Variants in UBE2QL1 observed in about 807,000 individuals in gnomAD.
UBE2QL1 encodes ubiquitin-conjugating enzyme E2Q-like protein 1.
A neutral mutation model predicts 12.6 loss-of-function variants in UBE2QL1; 5 were observed. The ratio of observed to expected loss-of-function variants is 0.40; its 90% CI spans 0.21 to 0.83. The LOEUF is 0.83. Ranked by LOEUF, UBE2QL1 falls within the 40% of genes least tolerant of loss-of-function variation. The pLI is 0.37. For missense variants in UBE2QL1, 99 were observed against 222.6 expected, an observed-to-expected ratio of 0.44 and a Z score of 3.53; for synonymous variants, 96 against 94.5, an observed-to-expected ratio of 1.02 and a Z score of -0.10.
chr5:6,467,562 T>C (rs1739823178), intron 1 of UBE2QL1, among the ~76,000 whole-genome samples: 2 of 152,184 alleles, frequency 1.3e-5, no homozygotes, highest in Admixed American at 1.3e-4. Flanking sequence ...TATTTCCAAA[T>C]ACAGTCTCGT....
intron 1 of UBE2QL1, among the ~76,000 whole-genome samples, chr5:6,488,693 G>A (rs1463648176): frequency 6.6e-6 from 1 of 152,002 alleles, no homozygotes; most frequent in Non-Finnish European, 1.5e-5. Context: ...CCAACTACCT[G>A]GGAGGCTGAG....
At chr5:6,458,363 C>T (rs998486818) in intron 1 of UBE2QL1, among the ~76,000 whole-genome samples, 1 of 152,094 alleles carries the variant, frequency 6.6e-6, no homozygotes, top group Non-Finnish European at 1.5e-5. Context: ...GGGAAAATTT[C>T]CAGAAAAATA....
intron 1 of UBE2QL1, among the ~76,000 whole-genome samples, chr5:6,485,967 A>G (rs375665037): frequency 6.6e-6 from 1 of 152,210 alleles, no homozygotes; most frequent in East Asian, 1.9e-4. Flanking sequence ...TCTACATGAA[A>G]AGACAGAAAT....
chr5:6,461,178 T>C (rs961376335), intron 1 of UBE2QL1, among the ~76,000 whole-genome samples: 17 of 152,194 alleles, frequency 1.1e-4, no homozygotes, highest in African/African-American at 3.9e-4. Flanking sequence ...TGACATATGG[T>C]CTTACTGCAA....
At chr5:6,461,540 A>ACCCCCCCCCCCCCCCCCC (rs71606052) in intron 1 of UBE2QL1, among the ~76,000 whole-genome samples, 14 of 46,770 alleles carry the variant, frequency 3.0e-4, no homozygotes, top group East Asian at 8.4e-4. Context: ...TTCAGCACCC[A>ACCCCCCCCCCCCCCCCCC]CCACCCCCCC....
chr5:6,471,192 TTG>T (rs1262001778), intron 1 of UBE2QL1, among the ~76,000 whole-genome samples: 1 of 152,240 alleles, frequency 6.6e-6, no homozygotes, highest in Non-Finnish European at 1.5e-5. Flanking sequence ...TAGGAATTTT[TTG>T]TCAAGTGGAT....
rs1027069655 is a variant in UBE2QL1 at position 6,481,468 on chromosome 5, G to C, written c.355-9750G>C. ...TGGCTAGAGAGCAGAGAGGGGGCAC[G>C]CTCCCCTCCCCGCACACCTCTCCCT... On this transcript the variant is annotated intron_variant, in intron 1 of 1. Transcript: ENST00000399816. This position sits in a 1 kb window ranked among gnomAD's most constrained non-coding sequence, Gnocchi z 4.5. Among the ~76,000 whole-genome samples, 1 of 152,146 alleles carries C rather than the reference G, an allele frequency of 6.6e-6. No homozygotes were observed. The highest frequency in any genetic ancestry group is 1.5e-5 in the Non-Finnish European group (1 of 68,018).
rs1044242258 is a variant in UBE2QL1 at position 6,495,506 on chromosome 5, A to C, written c.*4157A>C. Reference sequence around the variant, plus strand: ...ACAGGAGCCACAAGGCCACTGCCTTACTGTGGCTTTCTGATCCTTTATGTT... The same window carrying C: ...ACAGGAGCCACAAGGCCACTGCCTTCCTGTGGCTTTCTGATCCTTTATGTT... On this transcript the variant is annotated 3_prime_UTR_variant, in exon 2 of 2. Transcript: ENST00000399816. Among the ~76,000 whole-genome samples the C allele has an allele frequency of 6.6e-6, 1 of 152,196 alleles. No individual in the cohort carries two copies.
chr5:6,454,771 G>C (rs1739483981), intron 1 of UBE2QL1, among the ~76,000 whole-genome samples: 1 of 152,140 alleles, frequency 6.6e-6, no homozygotes. Context: ...GATTCGTCCA[G>C]GGAGACGTGG....
At chr5:6,464,795 A>C (rs1271035546) in intron 1 of UBE2QL1, among the ~76,000 whole-genome samples, 2 of 152,198 alleles carry the variant, frequency 1.3e-5, no homozygotes, top group Non-Finnish European at 2.9e-5. Context: ...CTTAGAGTGC[A>C]GCTAATTTCT....
At position 6,494,688 on chromosome 5, in the gene UBE2QL1, C is replaced by T. The variant is rs1397842056; in HGVS notation, c.*3339C>T. The T allele has an allele frequency of 6.6e-6, 1 of 152,200 alleles. No homozygotes were observed. Among genetic ancestry groups the T allele is most frequent in the Non-Finnish European group, 1.5e-5 (1 of 68,042 alleles). The allele number at this position is 152,200 out of a possible 1,614,324, so 9.4% of individuals were successfully genotyped here. On this transcript the variant is annotated 3_prime_UTR_variant, in exon 2 of 2. Coordinates refer to ENST00000399816, the MANE Select transcript of UBE2QL1 (RefSeq NM_001145161.3). ...ATTACAGCAGGCTTTAATTAGAACC[C>T]ACTTAGATATCGACTCAGAATGATC...
intron 1 of UBE2QL1, among the ~76,000 whole-genome samples, chr5:6,458,648 A>AT (rs1172217928): frequency 3.9e-5 from 6 of 152,248 alleles, no homozygotes; most frequent in African/African-American, 1.2e-4. Flanking sequence ...TATACCAAGT[A>AT]AAGATCAATT....
chr5:6,472,300 A>C lies in UBE2QL1; in HGVS notation c.355-18918A>C, dbSNP rs191420735. On this transcript the variant is annotated intron_variant, in intron 1 of 1. Transcript: ENST00000399816. ...ACAGGAATATGGCTACTCACCTGCAAGTGGATCTTCTGGGCTTGATACCCA... is the reference window on the plus strand; with the variant it reads ...ACAGGAATATGGCTACTCACCTGCACGTGGATCTTCTGGGCTTGATACCCA... Among the ~76,000 whole-genome samples the C allele has an allele frequency of 2.8e-3, 424 of 152,264 alleles. 1 individual carries two copies. Among genetic ancestry groups the C allele is most frequent in the African/African-American group, 0.01 (416 of 41,536 alleles).
intron 1 of UBE2QL1, among the ~76,000 whole-genome samples, chr5:6,487,484 CTGAG>C (rs1226776921): frequency 9.2e-5 from 14 of 152,168 alleles, no homozygotes; most frequent in Non-Finnish European, 1.8e-4. Flanking sequence ...GCTGTAAACT[CTGAG>C]TGATAACACA....
rs184414592 is a variant in UBE2QL1 at position 6,478,109 on chromosome 5, A to G, written c.355-13109A>G. On this transcript the variant is annotated intron_variant, in intron 1 of 1. Coordinates refer to ENST00000399816, the MANE Select transcript of UBE2QL1 (RefSeq NM_001145161.3). The surrounding 1 kb of genome is among the most constrained non-coding windows in gnomAD (Gnocchi z 4.5). Reference sequence around the variant, plus strand: ...CTTATTATTGCTGTGCTTTATTGCAAAAACAGACTATTTGAGAAAGTAACC... The same window carrying G: ...CTTATTATTGCTGTGCTTTATTGCAGAAACAGACTATTTGAGAAAGTAACC... Among the ~76,000 whole-genome samples the G allele has an allele frequency of 1.1e-3, 168 of 152,370 alleles. 1 individual carries two copies. Among genetic ancestry groups the G allele is most frequent in the Non-Finnish European group, 1.7e-3 (115 of 68,042 alleles).
chr5:6,456,576 T>G (rs989227772), intron 1 of UBE2QL1, among the ~76,000 whole-genome samples: 2 of 152,244 alleles, frequency 1.3e-5, no homozygotes, highest in African/African-American at 4.8e-5. Context: ...AATTGTTCAG[T>G]TATTTTCTCA....
rs1381538393 is a variant in UBE2QL1 at position 6,481,320 on chromosome 5, A to G, written c.355-9898A>G. On this transcript the variant is annotated intron_variant, in intron 1 of 1. Transcript: ENST00000399816. This position sits in a 1 kb window ranked among gnomAD's most constrained non-coding sequence, Gnocchi z 4.5. ...CCCGGGTCACTTGGCATGGTGGCCC[A>G]CCACCTCCATCCCATCTCGCCTTGC... Among the ~76,000 whole-genome samples the G allele has an allele frequency of 6.6e-6, 1 of 152,094 alleles. No homozygotes were observed. The highest frequency in any genetic ancestry group is 1.9e-4 in the East Asian group (1 of 5,172).
At position 6,479,932 on chromosome 5, in the gene UBE2QL1, C is replaced by T. The variant is rs539723719; in HGVS notation, c.355-11286C>T. ...GGTAGACTCAGGGCCCTGATCATCTCGGGGCTTACATAAACCATGTGGCAA... is the reference window on the plus strand; with the variant it reads ...GGTAGACTCAGGGCCCTGATCATCTTGGGGCTTACATAAACCATGTGGCAA... On this transcript the variant is annotated intron_variant, in intron 1 of 1. Coordinates refer to ENST00000399816, the MANE Select transcript of UBE2QL1 (RefSeq NM_001145161.3). The surrounding 1 kb of genome is among the most constrained non-coding windows in gnomAD (Gnocchi z 4.2). Among the ~76,000 whole-genome samples the T allele has an allele frequency of 1.6e-3, 242 of 152,296 alleles. No individual in the cohort carries two copies. Among genetic ancestry groups the T allele is most frequent in the African/African-American group, 5.6e-3 (232 of 41,560 alleles).
intron 1 of UBE2QL1, among the ~76,000 whole-genome samples, chr5:6,485,372 T>C (rs1388932894): frequency 6.6e-6 from 1 of 152,172 alleles, no homozygotes; most frequent in Admixed American, 6.5e-5. Flanking sequence ...TACAAGTTGA[T>C]TTTTTTCTAG....
Sources: allele counts gnomAD v4.1 joint callset (sites outside exome capture counted in the v4.1 genomes callset), GRCh38; gene constraint gnomAD v4.1.1; non-coding constraint Gnocchi (gnomAD v3.1); transcripts MANE v1.5; gene names NCBI Gene and HGNC (gene_info 2026-07-23, HGNC 2026-07-21).